The following RAMP1 variants were observed in gnomAD, a reference collection of about 807,000 sequenced individuals.
RAMP1 encodes receptor activity-modifying protein 1.
In RAMP1, 7 loss-of-function variants were observed where a neutral mutation model predicts 8.2. The observed-to-expected ratio is 0.85, with a 90% CI of 0.49 to 1.60. RAMP1 has a LOEUF of 1.60. RAMP1 is among the 40% of genes most tolerant of loss of function. The pLI, the probability that RAMP1 is intolerant of heterozygous loss-of-function variation, is 0.00. For missense variants in RAMP1, 192 were observed against 202.4 expected, an observed-to-expected ratio of 0.95 and a Z score of 0.31; for synonymous variants, 92 against 84.7, an observed-to-expected ratio of 1.09 and a Z score of -0.47.
chr2:237,911,995 G>A lies in RAMP1; in HGVS notation c.*212G>A. On this transcript the variant is annotated 3_prime_UTR_variant, in exon 3 of 3. Transcript: ENST00000254661. ...TGGAGGCCACCGCCACCCTAGGAAG[G>A]GGGCAGGGACGTGACCTTGACTTAC... is the stretch of plus-strand genomic sequence containing the variant. The A allele has an allele frequency of 2.5e-6, 2 of 787,302 alleles. No individual in the cohort carries two copies. The highest frequency in any genetic ancestry group is 3.9e-6 in the Non-Finnish European group (2 of 510,666). The allele number at this position is 787,302 out of a possible 1,614,324, so 48.8% of individuals were successfully genotyped here.
At chr2:237,872,517 C>T (rs1239343033) in intron 1 of RAMP1, among the ~76,000 whole-genome samples, 1 of 152,212 alleles carries the variant, frequency 6.6e-6, no homozygotes, top group African/African-American at 2.4e-5. Flanking sequence ...GGTCTCAGAG[C>T]CTCCACAGAC....
chr2:237,859,750 G>A (rs1307144696), intron 1 of RAMP1, 23 bp downstream of exon 1: 12 of 1,500,182 alleles, frequency 8.0e-6, no homozygotes, highest in Non-Finnish European at 9.8e-6. Context: ...AGGGGTCCCG[G>A]CCGAGCTCCC....
chr2:237,874,184 C>T (rs1284292267), intron 1 of RAMP1, among the ~76,000 whole-genome samples: 1 of 152,210 alleles, frequency 6.6e-6, no homozygotes, highest in Non-Finnish European at 1.5e-5. Context: ...GGCTGGGCTG[C>T]AGGAGAGGAA....
chr2:237,891,459 T>C (rs1445147992), intron 2 of RAMP1, among the ~76,000 whole-genome samples: 1 of 152,248 alleles, frequency 6.6e-6, no homozygotes, highest in Non-Finnish European at 1.5e-5. Context: ...CCATTGTATT[T>C]TCTTAACAGA....
intron 2 of RAMP1, among the ~76,000 whole-genome samples, chr2:237,888,193 A>G (rs185995655): frequency 4.1e-4 from 63 of 152,174 alleles, no homozygotes; most frequent in African/African-American, 1.3e-3. Context: ...AGCTGGGATT[A>G]CAGGTGCCTG....
chr2:237,870,837 C>A (rs1047563404), intron 1 of RAMP1, among the ~76,000 whole-genome samples: 1 of 152,124 alleles, frequency 6.6e-6, no homozygotes, highest in Non-Finnish European at 1.5e-5. Flanking sequence ...TGGGCATTTC[C>A]AGTAAGAGTG....
In RAMP1 at chr2:237,863,636, ACTTTAACCAT is replaced by A. The variant is rs1209498533; in HGVS notation, c.52+3914_52+3923del. Among the ~76,000 whole-genome samples the A allele has an allele frequency of 2.6e-5, 4 of 152,268 alleles. No homozygotes were observed. In the East Asian group the frequency reaches 7.7e-4, roughly 29 times the overall value. ...ATTTCTGGGGCATCCGAAAGGCATC[ACTTTAACCAT>A]CTTTTAAATCACGGCTTCTGGGTGG... On this transcript the variant is annotated intron_variant, in intron 1 of 2. Transcript: ENST00000254661.
At chr2:237,898,420 G>C (rs148110378) in intron 2 of RAMP1, among the ~76,000 whole-genome samples, 11 of 152,260 alleles carry the variant, frequency 7.2e-5, no homozygotes, top group Non-Finnish European at 4.4e-5. Flanking sequence ...GGAAGGGTTT[G>C]ATAGTACAAT....
chr2:237,894,744 C>G (rs11692472), intron 2 of RAMP1, among the ~76,000 whole-genome samples: 131,991 of 152,246 alleles, frequency 0.87, 57,570 homozygotes, highest in East Asian at 0.93. Flanking sequence ...GGCTTTTGAA[C>G]TGTGGAGAGG....
intron 2 of RAMP1, among the ~76,000 whole-genome samples, chr2:237,895,879 C>T (rs2062537574): frequency 6.6e-6 from 1 of 152,174 alleles, no homozygotes; most frequent in South Asian, 2.1e-4. Context: ...GACTCGGACA[C>T]ATGTCACACC....
intron 2 of RAMP1, among the ~76,000 whole-genome samples, chr2:237,908,261 T>A (rs1358929390): frequency 6.6e-6 from 1 of 152,110 alleles, no homozygotes; most frequent in African/African-American, 2.4e-5. Flanking sequence ...AGGCTTGGGG[T>A]GGGTTCTCTG....
chr2:237,863,877 GC>G (rs149586898), intron 1 of RAMP1, among the ~76,000 whole-genome samples: 2,737 of 151,926 alleles, frequency 0.018, 99 homozygotes, highest in African/African-American at 0.063. Context: ...AAAACCCCAG[GC>G]CCCGGCTGTC....
At chr2:237,911,363 C>T (rs564863626) in intron 2 of RAMP1, among the ~76,000 whole-genome samples, 165 bp from the exon 3 acceptor site, 23 of 152,342 alleles carry the variant, frequency 1.5e-4, no homozygotes, top group African/African-American at 4.3e-4. Context: ...TTGGAGCCAT[C>T]GGGCCCCTGC....
At chr2:237,909,353 T>C (rs1215423593) in intron 2 of RAMP1, among the ~76,000 whole-genome samples, 9 of 145,422 alleles carry the variant, frequency 6.2e-5, no homozygotes, top group Non-Finnish European at 1.4e-4. Flanking sequence ...CACACAGGCC[T>C]TGCCGAGCCT....
intron 1 of RAMP1, among the ~76,000 whole-genome samples, chr2:237,876,092 G>C (rs570343717): frequency 1.3e-5 from 2 of 152,236 alleles, no homozygotes; most frequent in African/African-American, 4.8e-5. Context: ...TGTGTGAAGA[G>C]CTCCAGGGTG....
At chr2:237,880,422 T>C (rs2062357056) in intron 2 of RAMP1, among the ~76,000 whole-genome samples, 1 of 152,176 alleles carries the variant, frequency 6.6e-6, no homozygotes, top group African/African-American at 2.4e-5. Context: ...GCCCCAGCCC[T>C]GAAGTCAGCC....
chr2:237,867,525 T>A (rs756430064), intron 1 of RAMP1, among the ~76,000 whole-genome samples: 2 of 152,044 alleles, frequency 1.3e-5, no homozygotes, highest in Non-Finnish European at 2.9e-5. Context: ...TGCATCTTCT[T>A]CCCGTGTGTA....
At chr2:237,887,506 A>G (rs912168463) in intron 2 of RAMP1, among the ~76,000 whole-genome samples, 2 of 152,230 alleles carry the variant, frequency 1.3e-5, no homozygotes, top group African/African-American at 2.4e-5. Context: ...AAAATGGAGA[A>G]TGCACTTTCT....
chr2:237,892,531 A>C (rs1338302595), intron 2 of RAMP1, among the ~76,000 whole-genome samples: 10 of 152,048 alleles, frequency 6.6e-5, no homozygotes, highest in Admixed American at 6.6e-4. Flanking sequence ...AAGTGTTGGG[A>C]TTGCAGGTGT....
Sources: gnomAD v4.1 joint callset for allele counts (sites outside exome capture counted in the v4.1 genomes callset) on GRCh38, gnomAD v4.1.1 for gene constraint, MANE v1.5 for transcripts, NCBI Gene and HGNC (gene_info 2026-07-23, HGNC 2026-07-21) for gene names.